Variants in SLC44A2 observed in about 807,000 individuals in gnomAD.
SLC44A2 encodes solute carrier family 44 member 2 (CTL2 blood group).
Under a neutral mutation model 90.8 loss-of-function variants are expected in SLC44A2, and 57 were observed. That is an observed-to-expected ratio of 0.63 (90% CI 0.51 to 0.78). The LOEUF (loss-of-function observed/expected upper bound fraction) is 0.78, where lower values mean the gene tolerates loss of function less well. Ranked by LOEUF, SLC44A2 falls within the 30% of genes least tolerant of loss-of-function variation. SLC44A2 has a pLI of 0.00. For missense variants in SLC44A2, 794 were observed against 919.7 expected, an observed-to-expected ratio of 0.86 and a Z score of 1.77; for synonymous variants, 355 against 360.7, an observed-to-expected ratio of 0.98 and a Z score of 0.18.
chr19:10,641,171 T>C, intron 20 of SLC44A2: 1 of 360,490 alleles, frequency 2.8e-6, no homozygotes, highest in Non-Finnish European at 5.4e-6. Context: ...GGCAGGCAGA[T>C]CGCTTGAGCT....
At chr19:10,620,796 G>A (rs1380580502), upstream of SLC44A2, among the ~76,000 whole-genome samples, 1 of 151,934 alleles carries the variant, frequency 6.6e-6, no homozygotes, top group Non-Finnish European at 1.5e-5. Flanking sequence ...TTGGGAGGCC[G>A]AGGTGGGAGG....
In SLC44A2 at chr19:10,635,028, G is replaced by A. The variant is rs768175708; in HGVS notation, c.1010G>A (p.Arg337Gln). 3.7e-6 allele frequency: 6 copies of A among 1,614,104 alleles called. No homozygotes were observed. Among genetic ancestry groups the A allele is most frequent in the Admixed American group, 3.3e-5 (2 of 59,998 alleles). ...VIIILLLIFLRKRILIAIALI... is the reference protein window; with the variant it reads ...VIIILLLIFLQKRILIAIALI... The stretch of plus-strand genomic sequence containing the variant: ...ATCATCTTGCTGCTCATCTTTCTCC[G>A]GAAGAGAATTCTCATCGCGATTGCA... Residue 337 changes from arginine (R) to glutamine (Q), a missense_variant, in exon 12 of 22, where the codon CGG becomes CAG. Around this residue, in one of 3 missense-constraint regions of SLC44A2, gnomAD observed 738 missense variants for 841.1 expected, o/e 0.88. Transcript: ENST00000335757.
At position 10,635,454 on chromosome 19, in the gene SLC44A2, C is replaced by A. The variant is rs760591742; in HGVS notation, c.1172C>A (p.Ala391Glu). 2 of 1,614,128 alleles carry A rather than the reference C, an allele frequency of 1.2e-6. No individual in the cohort carries two copies. Among genetic ancestry groups the A allele is most frequent in the East Asian group, 2.2e-5 (1 of 44,886 alleles). Residue 391 changes from alanine to glutamate, a missense_variant, in exon 14 of 22, where the codon GCG (alanine) becomes GAG (glutamate). Coordinates refer to ENST00000335757, the MANE Select transcript of SLC44A2 (RefSeq NM_020428.4). ...AGCTTCCTGTCCACTTCCAACGAAG[C>A]GGTCTATAAGATCTTTGATGACAGC... The part of the protein sequence containing the change: ...TAVFLSTSNE[A>E]VYKIFDDSPC...
intron 16 of SLC44A2, 107 bp from the exon 17 acceptor site, chr19:10,637,537 A>T (rs1599257218): frequency 1.0e-6 from 1 of 992,546 alleles, no homozygotes; most frequent in Non-Finnish European, 1.6e-6. Context: ...GACAGCGTGG[A>T]CTCAGGAGAC....
chr19:10,607,484 G>T (rs1424134057), intron 1 of SLC44A2, among the ~76,000 whole-genome samples: 3 of 150,048 alleles, frequency 2.0e-5, no homozygotes, highest in Non-Finnish European at 4.4e-5. Context: ...CTGTGTAGTT[G>T]AGACTACGGG....
intron 20 of SLC44A2, 162 bp from the exon 21 acceptor site, chr19:10,642,205 T>G: frequency 3.4e-6 from 2 of 583,918 alleles, no homozygotes; most frequent in Non-Finnish European, 6.2e-6. Context: ...TTTGTGTGGA[T>G]GGTGGGGCCC....
chr19:10,634,886 T>C lies in SLC44A2; in HGVS notation c.954T>C (p.Phe318=), dbSNP rs1192731055. The C allele has an allele frequency of 6.2e-7, 1 of 1,614,190 alleles. No homozygotes were observed. The highest frequency in any genetic ancestry group is 1.1e-5 in the South Asian group (1 of 91,088). ...YLHLRQTWLA[F]MIILSILEVI... ...ACTTACGGCAGACCTGGTTGGCCTT[T>C]AGTGAGTCACAGTCTCCCATTCCTG... is the stretch of plus-strand genomic sequence containing the variant. The change falls in exon 11 of 22, where the codon TTT becomes TTC. Residue 318 remains phenylalanine, a splice_region_variant and synonymous_variant. Transcript: ENST00000335757.
intron 1 of SLC44A2, among the ~76,000 whole-genome samples, chr19:10,611,313 G>A (rs1357749706): frequency 6.6e-6 from 1 of 152,090 alleles, no homozygotes; most frequent in Non-Finnish European, 1.5e-5. Context: ...TTAGCCAGGC[G>A]TGGTGGCAGG....
At chr19:10,610,641 T>TTTTTTTTTTTTTTTTG in intron 1 of SLC44A2, among the ~76,000 whole-genome samples, 1 of 126,810 alleles carries the variant, frequency 7.9e-6, no homozygotes, top group African/African-American at 3.1e-5. Context: ...CTTTTTTTTT[T>TTTTTTTTTTTTTTTTG]TTTTTTTTTT....
intron 2 of SLC44A2, 81 bp from the exon 3 acceptor site, chr19:10,627,641 G>A: frequency 7.0e-7 from 1 of 1,438,532 alleles, no homozygotes; most frequent in South Asian, 1.1e-5. Flanking sequence ...ACACATGGAT[G>A]AGGGTGTTTG....
Position 10,643,428 on chromosome 19 carries a change from G to A in SLC44A2, c.*43G>A. The A allele has an allele frequency of 1.3e-6, 2 of 1,577,238 alleles. No homozygotes were observed. Among genetic ancestry groups the A allele is most frequent in the Non-Finnish European group, 1.7e-6 (2 of 1,159,448 alleles). On this transcript the variant is annotated 3_prime_UTR_variant, in exon 22 of 22. Transcript: ENST00000335757. ...CCTCTCAAGGAGTCTCATGCCGCAG[G>A]GTGCTCAGTAGCTGGGTCTGTTCCC...
At chr19:10,620,415 C>T (rs2066887500) in intron 1 of SLC44A2, among the ~76,000 whole-genome samples, 1 of 152,012 alleles carries the variant, frequency 6.6e-6, no homozygotes, top group Non-Finnish European at 1.5e-5. Context: ...CTGGATGTTG[C>T]AGTGAGCCAA....
chr19:10,641,712 G>C (rs951262822), intron 20 of SLC44A2, among the ~76,000 whole-genome samples: 6 of 152,036 alleles, frequency 3.9e-5, no homozygotes, highest in Admixed American at 2.6e-4. Flanking sequence ...CGGGCACAGT[G>C]GTGCACATCT....
At chr19:10,613,454 T>C (rs1040992819) in intron 1 of SLC44A2, among the ~76,000 whole-genome samples, 1 of 152,100 alleles carries the variant, frequency 6.6e-6, no homozygotes. Context: ...TTTCACCACG[T>C]TGGACAGGCT....
chr19:10,608,890 A>G (rs1361976948), intron 1 of SLC44A2, among the ~76,000 whole-genome samples: 1 of 148,210 alleles, frequency 6.7e-6, no homozygotes, highest in Non-Finnish European at 1.5e-5. Flanking sequence ...GGCTCAAGCT[A>G]TCCACGTGCT....
chr19:10,625,508 C>T (rs2066922630), upstream of SLC44A2: 7 of 1,224,028 alleles, frequency 5.7e-6, no homozygotes, highest in Non-Finnish European at 7.1e-6. Flanking sequence ...TTGGGCCGCC[C>T]CGCCTGGCGC....
intron 1 of SLC44A2, among the ~76,000 whole-genome samples, chr19:10,606,079 C>T (rs1023722294): frequency 2.6e-5 from 4 of 152,030 alleles, no homozygotes; most frequent in Non-Finnish European, 1.5e-5. Context: ...GGGAGGATCG[C>T]TTGAGCCCAT....
chr19:10,602,612 G>A (rs1917992260), intron 1 of SLC44A2: 3 of 1,245,286 alleles, frequency 2.4e-6, no homozygotes, highest in Non-Finnish European at 2.0e-6. Context: ...GCGGGTGGGA[G>A]GACCTTGAGC....
At chr19:10,632,243 A>G (rs575845647) in intron 10 of SLC44A2, 87 bp downstream of exon 10, 1 of 1,241,146 alleles carries the variant, frequency 8.1e-7, no homozygotes, top group Non-Finnish European at 1.2e-6. Flanking sequence ...TCAGGAAAAC[A>G]AAAAAAAGTC....
Sources: gnomAD v4.1 joint callset for allele counts (sites outside exome capture counted in the v4.1 genomes callset) on GRCh38, gnomAD v4.1.1 for gene constraint, gnomAD v4.1.1 regional missense constraint, MANE v1.5 for transcripts, NCBI Gene and HGNC (gene_info 2026-07-23, HGNC 2026-07-21) for gene names.